PTPN3: variants seen among roughly 807,000 people sequenced by gnomAD.
PTPN3 encodes tyrosine-protein phosphatase non-receptor type 3.
Under a neutral mutation model 132.7 loss-of-function variants are expected in PTPN3, and 96 were observed. That is an observed-to-expected ratio of 0.72 (90% CI 0.61 to 0.86). The LOEUF (loss-of-function observed/expected upper bound fraction) is 0.86, where lower values mean the gene tolerates loss of function less well. Ranked by LOEUF, PTPN3 falls within the 40% of genes least tolerant of loss-of-function variation. PTPN3 has a pLI of 0.00. For missense variants in PTPN3, 1,125 were observed against 1,159.6 expected (o/e 0.97, Z 0.43); for synonymous variants, 398 against 429.0 (o/e 0.93, Z 0.89).
chr9:109,401,592 C>T lies in PTPN3; in HGVS notation c.1953+2856G>A, dbSNP rs115380274. On this transcript the variant is annotated intron_variant, in intron 19 of 25. Transcript: ENST00000374541. ...TGCGTGAAGGAGGTTTCATGAACAC[C>T]GAAAACACCAGCCTTTGGCTTTTCC... is the stretch of plus-strand genomic sequence containing the variant. Among the ~76,000 whole-genome samples, 1,149 of 152,274 alleles carry T rather than the reference C, an allele frequency of 7.5e-3. 12 individuals carry two copies. Among genetic ancestry groups the T allele is most frequent in the African/African-American group, 0.025 (1,051 of 41,538 alleles).
intron 17 of PTPN3, 52 bp from the exon 18 acceptor site, chr9:109,406,670 G>C (rs2131733702): frequency 6.3e-7 from 1 of 1,598,348 alleles, no homozygotes; most frequent in East Asian, 2.2e-5. Context: ...ACAGTCCTTG[G>C]GGGAAGAACG....
intron 22 of PTPN3, among the ~76,000 whole-genome samples, chr9:109,383,871 T>C (rs1347316565): frequency 1.3e-5 from 2 of 151,906 alleles, no homozygotes; most frequent in African/African-American, 4.8e-5. Context: ...GAGCAACCTC[T>C]CTACCCTCCC....
chr9:109,528,833 T>C, the PTPN3 span, among the ~76,000 whole-genome samples: 1 of 152,170 alleles, frequency 6.6e-6, no homozygotes, highest in Non-Finnish European at 1.5e-5. Context: ...CTCTAGAGTC[T>C]GAAAGTATTA....
intron 22 of PTPN3, among the ~76,000 whole-genome samples, chr9:109,385,801 A>G (rs139943960): frequency 1.2e-4 from 19 of 152,362 alleles, no homozygotes; most frequent in African/African-American, 3.8e-4. Context: ...CCCTGGGCAG[A>G]TGCTGCCAGA....
At chr9:109,438,017 T>G (rs1231126888) in intron 8 of PTPN3, 97 bp downstream of exon 8, 1 of 1,376,944 alleles carries the variant, frequency 7.3e-7, no homozygotes, top group African/African-American at 1.5e-5. Flanking sequence ...AGAGGATTCA[T>G]GCACAAAAGA....
the PTPN3 span, among the ~76,000 whole-genome samples, chr9:109,504,255 G>A: frequency 6.6e-6 from 1 of 152,150 alleles, no homozygotes; most frequent in Non-Finnish European, 1.5e-5. Context: ...TGCAGGAGAT[G>A]GAGTCAGAGA....
At chr9:109,488,638 A>G (rs1847322946) in intron 1 of PTPN3, among the ~76,000 whole-genome samples, 1 of 152,146 alleles carries the variant, frequency 6.6e-6, no homozygotes, top group Non-Finnish European at 1.5e-5. Context: ...TCACATTTTC[A>G]TCCTATAATA....
At chr9:109,382,552 T>A in intron 23 of PTPN3, 105 bp from the exon 24 acceptor site, 1 of 1,303,894 alleles carries the variant, frequency 7.7e-7, no homozygotes, top group Non-Finnish European at 1.1e-6. Flanking sequence ...GCTTTCTCCC[T>A]CTGCGCACAG....
chr9:109,431,009 C>T (rs1843625017), intron 10 of PTPN3, among the ~76,000 whole-genome samples: 1 of 152,228 alleles, frequency 6.6e-6, no homozygotes, highest in Admixed American at 6.5e-5. Flanking sequence ...ATGTCCTGCC[C>T]CTCCTGGGCA....
At chr9:109,391,438 G>T (rs1378766884) in intron 20 of PTPN3, 33 bp downstream of exon 20, 1 of 1,563,856 alleles carries the variant, frequency 6.4e-7, no homozygotes, top group African/African-American at 1.4e-5. Flanking sequence ...TCTCAGTGTA[G>T]GGGGGAAGGA....
At position 109,391,508 on chromosome 9, in the gene PTPN3, T is replaced by C. The variant is rs1365028656; in HGVS notation, c.2007A>G (p.Gln669=). 1.9e-6 allele frequency: 3 copies of C among 1,614,054 alleles called. No individual in the cohort carries two copies. Among genetic ancestry groups the C allele is most frequent in the Non-Finnish European group, 2.5e-6 (3 of 1,179,974 alleles). The change falls in exon 20 of 26, where the codon CAA becomes CAG. Residue 669 remains glutamine, a synonymous_variant. Transcript: ENST00000374541. ...CTTTATATCGGTTTTTGTCCAAATT[T>C]TGAGGCAGCTTTGCAAACGTGATGG... ...GLAITFAKLP[Q]NLDKNRYKDV...
chr9:109,493,739 T>C (rs1847560265), intron 1 of PTPN3, among the ~76,000 whole-genome samples: 1 of 152,146 alleles, frequency 6.6e-6, no homozygotes, highest in Non-Finnish European at 1.5e-5. Context: ...ATGGGGTCAG[T>C]GCTCCACTGC....
the PTPN3 span, chr9:109,533,624 C>T: frequency 1.3e-6 from 2 of 1,509,720 alleles, no homozygotes. Context: ...CTGATATATA[C>T]TCTGCCACAC....
Position 109,454,524 on chromosome 9 carries a change from G to T in PTPN3, c.340C>A (p.Pro114Thr), listed in dbSNP as rs1252310900. ...GTTTGTTCTTGCTGCAGTGTGTTGG[G>T]ATCAGGTATAAAAAATCTTACTCGA... ...HFRVRFFIPD[P>T]NTLQQEQTRH... Residue 114 changes from proline (P) to threonine (T), a missense_variant, in exon 5 of 26, where the codon CCC (proline) becomes ACC (threonine). By Grantham distance (38) the Pro-to-Thr change is conservative. Coordinates refer to ENST00000374541, the MANE Select transcript of PTPN3 (RefSeq NM_002829.4). 9 of 1,613,390 alleles carry T rather than the reference G, an allele frequency of 5.6e-6. No individual in the cohort carries two copies. The South Asian group carries it at 8.8e-5, about 16-fold the overall frequency.
At chr9:109,486,370 G>T (rs1409177393) in intron 1 of PTPN3, among the ~76,000 whole-genome samples, 1 of 152,172 alleles carries the variant, frequency 6.6e-6, no homozygotes, top group East Asian at 1.9e-4. Context: ...AGGAGGTACA[G>T]GCGCAAGGGG....
At position 109,410,057 on chromosome 9, in the gene PTPN3, T is replaced by A. The variant is rs748710824; in HGVS notation, c.1520A>T (p.Tyr507Phe). The A allele has an allele frequency of 5.6e-6, 9 of 1,614,234 alleles. No individual in the cohort carries two copies. The highest frequency in any genetic ancestry group is 6.8e-6 in the Non-Finnish European group (8 of 1,180,050). The change falls in exon 16 of 26, where the codon TAC becomes TTC. Residue 507 changes from tyrosine to phenylalanine, a missense_variant. By Grantham distance (22) the Tyr-to-Phe change is conservative (BLOSUM62 3). Transcript: ENST00000374541. ...YCDKNDNGDS[Y>F]LVLIRITPDE... is the part of the protein sequence containing the mutation. ...TGGTGTGATACGGATCAAGACTAAG[T>A]AGCTGTCACCATTATCATTCTGGAA...
At chr9:109,464,526 A>T (rs1049273785) in intron 1 of PTPN3, among the ~76,000 whole-genome samples, 8 of 152,200 alleles carry the variant, frequency 5.3e-5, no homozygotes, top group African/African-American at 1.9e-4. Flanking sequence ...CTATATAACA[A>T]ACCTGCACAT....
At chr9:109,438,329 T>A in intron 7 of PTPN3, 95 bp from the exon 8 acceptor site, 2 of 1,321,082 alleles carry the variant, frequency 1.5e-6, no homozygotes, top group Non-Finnish European at 2.1e-6. Context: ...AGAATAACAT[T>A]AATTAGAAAT....
chr9:109,445,378 T>G, intron 6 of PTPN3, 86 bp from the exon 7 acceptor site: 3 of 1,195,890 alleles, frequency 2.5e-6, no homozygotes, highest in Non-Finnish European at 3.7e-6. Flanking sequence ...AACACATGTC[T>G]TTCTTTGCTT....
Sources: gnomAD v4.1 joint callset for allele counts (sites outside exome capture counted in the v4.1 genomes callset) on GRCh38, gnomAD v4.1.1 for gene constraint, MANE v1.5 for transcripts, NCBI Gene and HGNC (gene_info 2026-07-23, HGNC 2026-07-21) for gene names.